The following ZDHHC20 variants were observed in gnomAD, a reference collection of about 807,000 sequenced individuals.
ZDHHC20 encodes zDHHC palmitoyltransferase 20.
Under a neutral mutation model 57.8 loss-of-function variants are expected in ZDHHC20, and 43 were observed. The ratio of observed to expected loss-of-function variants is 0.74; its 90% CI spans 0.58 to 0.96. The LOEUF is 0.96. Ranked by LOEUF, ZDHHC20 falls within the 40% of genes least tolerant of loss-of-function variation. ZDHHC20 has a pLI of 0.00. For missense variants in ZDHHC20, 391 were observed against 441.1 expected (o/e 0.89, Z 1.02); for synonymous variants, 157 against 153.0 (o/e 1.03, Z -0.19).
At chr13:21,459,014 C>G (rs759693699) in intron 1 of ZDHHC20, 40 bp downstream of exon 1, 1 of 1,517,530 alleles carries the variant, frequency 6.6e-7, no homozygotes, top group Non-Finnish European at 9.0e-7. Flanking sequence ...GCCCTAGCCG[C>G]GGCCCGCGCC....
intron 4 of ZDHHC20, among the ~76,000 whole-genome samples, chr13:21,405,050 G>C (rs1332962522): frequency 6.6e-6 from 1 of 152,030 alleles, no homozygotes; most frequent in Admixed American, 6.6e-5. Context: ...TTTCTGCTAG[G>C]ATACACAAGA....
chr13:21,389,219 C>G (rs933926491), intron 8 of ZDHHC20, among the ~76,000 whole-genome samples: 1 of 152,066 alleles, frequency 6.6e-6, no homozygotes, highest in Non-Finnish European at 1.5e-5. Flanking sequence ...AGAGGTGATA[C>G]AGCAGAATAA....
At chr13:21,456,504 C>T (rs1018339020) in intron 1 of ZDHHC20, among the ~76,000 whole-genome samples, 1 of 152,170 alleles carries the variant, frequency 6.6e-6, no homozygotes, top group Admixed American at 6.5e-5. Flanking sequence ...TTAAGTCCTC[C>T]TATAAAGTAA....
chr13:21,443,681 T>A (rs1011911096), intron 1 of ZDHHC20, among the ~76,000 whole-genome samples: 3 of 152,214 alleles, frequency 2.0e-5, no homozygotes, highest in African/African-American at 7.2e-5. Flanking sequence ...ATTGTAAAGA[T>A]CAAAAGATAT....
intron 1 of ZDHHC20, among the ~76,000 whole-genome samples, chr13:21,442,221 T>A (rs1883250201): frequency 1.3e-5 from 2 of 152,178 alleles, no homozygotes; most frequent in Non-Finnish European, 2.9e-5. Flanking sequence ...AGCTTGTATA[T>A]CTATCATTTT....
At chr13:21,448,220 T>G (rs868539447) in intron 1 of ZDHHC20, among the ~76,000 whole-genome samples, 1 of 35,474 alleles carries the variant, frequency 2.8e-5, no homozygotes, top group Non-Finnish European at 6.7e-5. Context: ...CCCGGCCAGC[T>G]GCCCCATCCG....
rs1324202069 is a variant in ZDHHC20, at chr13:21,374,187, A to G, written c.*2509T>C. On this transcript the variant is annotated 3_prime_UTR_variant, in exon 13 of 13. Coordinates refer to ENST00000400590, the MANE Select transcript of ZDHHC20 (RefSeq NM_001330059.2). ...TAACATTTATCTCCTTATAATATGC[A>G]AACTGCCAAACTGGAGTTATGTTTT... 1.1e-5 allele frequency: 2 copies of G among 183,244 alleles called. No individual in the cohort carries two copies. Among genetic ancestry groups the G allele is most frequent in the East Asian group, 2.5e-4 (2 of 8,060 alleles). The allele number at this position is 183,244 out of a possible 1,614,324, so 11.4% of individuals were successfully genotyped here. A position where few individuals can be genotyped will look rare whatever the true frequency, so the allele number is the denominator to read the frequency against.
intron 1 of ZDHHC20, among the ~76,000 whole-genome samples, chr13:21,439,280 G>A (rs914845762): frequency 4.6e-5 from 7 of 152,054 alleles, no homozygotes; most frequent in African/African-American, 1.7e-4. Flanking sequence ...CAAGAGGATC[G>A]CTTGAGCCCA....
chr13:21,447,881 G>A (rs1330886454), intron 1 of ZDHHC20, among the ~76,000 whole-genome samples: 4 of 115,826 alleles, frequency 3.5e-5, no homozygotes, highest in African/African-American at 6.1e-5. Context: ...AGTGAGGAGC[G>A]TCTCTGCCCG....
intron 4 of ZDHHC20, among the ~76,000 whole-genome samples, chr13:21,408,152 T>C (rs1193218127): frequency 6.6e-6 from 1 of 152,236 alleles, no homozygotes; most frequent in East Asian, 1.9e-4. Flanking sequence ...TCTAATTCTG[T>C]GAAGAAAGTC....
chr13:21,449,275 T>C (rs573334815), intron 1 of ZDHHC20, among the ~76,000 whole-genome samples: 1 of 152,344 alleles, frequency 6.6e-6, no homozygotes, highest in East Asian at 1.9e-4. Context: ...CATTATTTCC[T>C]GCAATTGTGT....
chr13:21,376,382 A>T lies in ZDHHC20; in HGVS notation c.*314T>A, dbSNP rs1872078182. The T allele has an allele frequency of 4.0e-6, 1 of 251,836 alleles. No homozygotes were observed. The highest frequency in any genetic ancestry group is 7.6e-6 in the Non-Finnish European group (1 of 131,750). The allele number at this position is 251,836 out of a possible 1,614,324, so 15.6% of individuals were successfully genotyped here. On this transcript the variant is annotated 3_prime_UTR_variant, in exon 13 of 13. Coordinates refer to ENST00000400590, the MANE Select transcript of ZDHHC20 (RefSeq NM_001330059.2). ...TACATATGCATGTTAAAATGTGATG[A>T]CAGCTCATATTATAGCAACTCATAA...
intron 4 of ZDHHC20, among the ~76,000 whole-genome samples, chr13:21,411,946 G>C (rs558092889): frequency 6.6e-6 from 1 of 152,366 alleles, no homozygotes; most frequent in East Asian, 1.9e-4. Flanking sequence ...TGCATAATAG[G>C]CCATTCAAGT....
chr13:21,449,047 C>T (rs1884167818), intron 1 of ZDHHC20, among the ~76,000 whole-genome samples: 1 of 129,722 alleles, frequency 7.7e-6, no homozygotes, highest in Non-Finnish European at 1.7e-5. Context: ...ATCACCAATC[C>T]CTGATCTCAA....
intron 12 of ZDHHC20, among the ~76,000 whole-genome samples, chr13:21,378,335 G>A (rs544330330): frequency 6.6e-6 from 1 of 152,110 alleles, no homozygotes; most frequent in African/African-American, 2.4e-5. Flanking sequence ...GCTGGAATTA[G>A]AGGTGTGAGC....
At chr13:21,427,975 CT>C (rs1881470559) in intron 1 of ZDHHC20, among the ~76,000 whole-genome samples, 1 of 95,044 alleles carries the variant, frequency 1.1e-5, no homozygotes, top group East Asian at 1.9e-4. Flanking sequence ...CATAACACCC[CT>C]GACACTTGTA....
At chr13:21,407,721 A>T (rs571256831) in intron 4 of ZDHHC20, among the ~76,000 whole-genome samples, 1 of 152,350 alleles carries the variant, frequency 6.6e-6, no homozygotes, top group South Asian at 2.1e-4. Flanking sequence ...GGTGTTGCCT[A>T]GATTTTCTTC....
intron 3 of ZDHHC20, 129 bp from the exon 4 acceptor site, chr13:21,413,901 A>ACTGT (rs201913324): frequency 0.21 from 155,760 of 725,726 alleles, 18,529 homozygotes; most frequent in Non-Finnish European, 0.25. Context: ...GTCTTCAAAA[A>ACTGT]AAAGCAGATA....
intron 4 of ZDHHC20, among the ~76,000 whole-genome samples, chr13:21,406,912 G>A (rs775813604): frequency 1.3e-5 from 2 of 152,278 alleles, no homozygotes; most frequent in South Asian, 2.1e-4. Flanking sequence ...TAGGATTGCT[G>A]GGTCAAATGG....
Sources: allele counts gnomAD v4.1 joint callset (sites outside exome capture counted in the v4.1 genomes callset), GRCh38; gene constraint gnomAD v4.1.1; transcripts MANE v1.5; gene names NCBI Gene and HGNC (gene_info 2026-07-23, HGNC 2026-07-21).